The following DSC2 variants were observed in gnomAD, a reference collection of about 807,000 sequenced individuals.
DSC2 encodes desmocollin-2.
Under a neutral mutation model 87.6 loss-of-function variants are expected in DSC2, and 51 were observed. The observed-to-expected ratio is 0.58, with a 90% CI of 0.46 to 0.74. The LOEUF (loss-of-function observed/expected upper bound fraction) is 0.74. Ranked by LOEUF, DSC2 falls within the 30% of genes least tolerant of loss-of-function variation. The pLI is 0.00. For synonymous variants in DSC2, 383 were observed against 393.2 expected, an observed-to-expected ratio of 0.97 and a Z score of 0.31; for missense variants, 1,066 against 1,089.5, an observed-to-expected ratio of 0.98 and a Z score of 0.30.
Position 31,073,568 on chromosome 18 carries a change from A to C in DSC2, c.1888+1115T>G, listed in dbSNP as rs866277220. Reference sequence around the variant, plus strand: ...CATAACCTTTCTTTTCTAATTTGTCATAACAGGAAATTGAGGGATATTCAC... The same window carrying C: ...CATAACCTTTCTTTTCTAATTTGTCCTAACAGGAAATTGAGGGATATTCAC... On this transcript the variant is annotated intron_variant, in intron 12 of 15. Coordinates refer to ENST00000280904, the MANE Select transcript of DSC2 (RefSeq NM_024422.6). 3.1e-4 allele frequency among the ~76,000 whole-genome samples: 47 copies of C among 152,126 alleles called. 1 individual carries two copies. The highest frequency in any genetic ancestry group is 3.2e-3 in the Middle Eastern group (1 of 316).
At chr18:31,086,329 T>C (rs1249430814) in intron 7 of DSC2, among the ~76,000 whole-genome samples, 1 of 152,202 alleles carries the variant, frequency 6.6e-6, no homozygotes, top group Non-Finnish European at 1.5e-5. Context: ...CATTTTGTTT[T>C]AATACTGTAA....
At chr18:31,083,702 G>GT (rs908773366) in intron 7 of DSC2, among the ~76,000 whole-genome samples, 1 of 152,046 alleles carries the variant, frequency 6.6e-6, no homozygotes, top group Non-Finnish European at 1.5e-5. Context: ...GGCTATGTAG[G>GT]TTTTTTTCTT....
At chr18:31,075,115 T>G (rs1000490164) in intron 11 of DSC2, among the ~76,000 whole-genome samples, 1 of 152,230 alleles carries the variant, frequency 6.6e-6, no homozygotes, top group African/African-American at 2.4e-5. Flanking sequence ...GCTATTAAGA[T>G]GTGTTTATTC....
At chr18:31,092,871 T>C (rs1987647100) in intron 2 of DSC2, among the ~76,000 whole-genome samples, 1 of 152,182 alleles carries the variant, frequency 6.6e-6, no homozygotes, top group Non-Finnish European at 1.5e-5. Flanking sequence ...TTCAGTACTA[T>C]TTCTCAATTT....
intron 7 of DSC2, among the ~76,000 whole-genome samples, chr18:31,085,306 A>C (rs1322683939): frequency 1.3e-5 from 2 of 152,038 alleles, no homozygotes; most frequent in Non-Finnish European, 2.9e-5. Context: ...AATACTAAAA[A>C]CATTTGGAAA....
At chr18:31,097,308 C>T (rs1341146149) in intron 1 of DSC2, among the ~76,000 whole-genome samples, 2 of 149,530 alleles carry the variant, frequency 1.3e-5, no homozygotes. Context: ...AAAAAGAAAT[C>T]ATTTTCAAAA....
chr18:31,092,084 T>A lies in DSC2; in HGVS notation c.354+17A>T. 1.3e-6 allele frequency: 2 copies of A among 1,599,582 alleles called. No homozygotes were observed. The highest frequency in any genetic ancestry group is 1.7e-6 in the Non-Finnish European group (2 of 1,169,744). ...GAAGAAAAGATATCATTTCTTCATT[T>A]ATGTAGCCTTGTATACCTTTGTTTG... On this transcript the variant is annotated intron_variant, in intron 3 of 15. Coordinates refer to ENST00000280904, the MANE Select transcript of DSC2 (RefSeq NM_024422.6).
At chr18:31,073,337 C>T (rs1279847604) in intron 12 of DSC2, among the ~76,000 whole-genome samples, 2 of 150,892 alleles carry the variant, frequency 1.3e-5, no homozygotes, top group Non-Finnish European at 2.9e-5. Context: ...TTCCTCCCCA[C>T]CCCAAAATAA....
rs1431388251 is a variant in DSC2, at chr18:31,086,582, G to A, written c.936C>T (p.Asp312=). 1.2e-6 allele frequency: 2 copies of A among 1,614,060 alleles called. No homozygotes were observed. Among genetic ancestry groups the A allele is most frequent in the Admixed American group, 1.7e-5 (1 of 60,016 alleles). ...TTATTAATGTTTATGTTACCTCTCT[G>A]TCTAGCTGAGATGATGTTGTGGTGA... is the stretch of plus-strand genomic sequence containing the variant. ...GVITTTSSQL[D]RELIDKYQLK... Residue 312 remains aspartate, a synonymous_variant, in exon 7 of 16, where the codon GAC becomes GAT. Transcript: ENST00000280904.
chr18:31,092,247 C>G lies in DSC2; in HGVS notation c.208G>C (p.Asp70His), dbSNP rs779847119. The change falls in exon 3 of 16, where the codon GAC (aspartate) becomes CAC (histidine). Residue 70 changes from aspartate (D) to histidine (H), a missense_variant. Asp to His is a moderately conservative substitution (Grantham distance 81). Coordinates refer to ENST00000280904, the MANE Select transcript of DSC2 (RefSeq NM_024422.6). Reference protein sequence around the residue: ...AANLIHSSDPDFQILEDGSVY... With the variant: ...AANLIHSSDPHFQILEDGSVY... ...GAACCATCCTCCAAAATTTGGAAGT[C>G]AGGATCACTTGAATGAATTAGATTT... The G allele has an allele frequency of 6.2e-7, 1 of 1,613,742 alleles. No individual in the cohort carries two copies. Among genetic ancestry groups the G allele is most frequent in the Non-Finnish European group, 8.5e-7 (1 of 1,179,804 alleles).
At chr18:31,093,416 T>C (rs1598592302) in intron 2 of DSC2, 143 bp downstream of exon 2, 1 of 532,524 alleles carries the variant, frequency 1.9e-6, no homozygotes, top group South Asian at 2.0e-5. Context: ...CTGTGTTAGT[T>C]TGCTGAGAAT....
rs1470975572 is a variant in DSC2, at chr18:31,066,567, A to G, written c.*1448T>C. On this transcript the variant is annotated 3_prime_UTR_variant, in exon 16 of 16. Coordinates refer to ENST00000280904, the MANE Select transcript of DSC2 (RefSeq NM_024422.6). ...AATCTTGTGAATTGAAGACAGGCAC[A>G]TTATAGATAATCAAAAATATTAGAA... The G allele has an allele frequency of 6.6e-6, 1 of 152,172 alleles. No individual in the cohort carries two copies. The highest frequency in any genetic ancestry group is 1.5e-5 in the Non-Finnish European group (1 of 67,990). The allele number at this position is 152,172 out of a possible 1,614,324, so 9.4% of individuals were successfully genotyped here.
intron 1 of DSC2, chr18:31,101,253 AAAGGGTCAAGATCCCCTC>A: frequency 1.0e-6 from 1 of 985,256 alleles, no homozygotes; most frequent in Non-Finnish European, 1.2e-6. Flanking sequence ...CCTCAGGAGC[AAAGGGTCAAGATCCCCTC>A]CCCCACCCGC....
chr18:31,079,322 T>C (rs1375471933), intron 11 of DSC2, among the ~76,000 whole-genome samples: 3 of 152,170 alleles, frequency 2.0e-5, no homozygotes, highest in Non-Finnish European at 2.9e-5. Flanking sequence ...GGCGCGATCT[T>C]GGCTAACTGC....
At position 31,089,424 on chromosome 18, in the gene DSC2, C is replaced by T. The variant is rs201596999; in HGVS notation, c.630+15G>A. Reference sequence around the variant, plus strand: ...ATCATCATTGCTAATACAGTACACACATTTTAGACTTTACCTCAAAAGATT... The same window carrying T: ...ATCATCATTGCTAATACAGTACACATATTTTAGACTTTACCTCAAAAGATT... On this transcript the variant is annotated intron_variant, in intron 5 of 15. Coordinates refer to ENST00000280904, the MANE Select transcript of DSC2 (RefSeq NM_024422.6). 10 of 1,613,432 alleles carry T rather than the reference C, an allele frequency of 6.2e-6. No homozygotes were observed. The African/African-American group carries it at 1.1e-4, about 17-fold the overall frequency.
chr18:31,101,087 G>T, intron 1 of DSC2: 2 of 619,586 alleles, frequency 3.2e-6, no homozygotes, highest in Non-Finnish European at 4.0e-6. Context: ...CGGTGGCGCG[G>T]GGGGCGGGTG....
At chr18:31,093,113 C>T (rs1987653931) in intron 2 of DSC2, among the ~76,000 whole-genome samples, 1 of 152,172 alleles carries the variant, frequency 6.6e-6, no homozygotes, top group African/African-American at 2.4e-5. Context: ...TAAAATACCA[C>T]AGCAAATCAG....
rs1367844309 is a variant in DSC2, at chr18:31,096,931, T to C, written c.70-3288A>G. On this transcript the variant is annotated intron_variant, in intron 1 of 15. Coordinates refer to ENST00000280904, the MANE Select transcript of DSC2 (RefSeq NM_024422.6). ...CCAAGCAAATCAACCATTACATTAC[T>C]ATAAAACAAGAAGAGACTTAAGTAA... Among the ~76,000 whole-genome samples the C allele has an allele frequency of 3.9e-5, 6 of 152,050 alleles. No individual in the cohort carries two copies. In the East Asian group the frequency reaches 5.8e-4, roughly 15 times the overall value.
At chr18:31,073,684 C>A (rs1986907888) in intron 12 of DSC2, among the ~76,000 whole-genome samples, 1 of 152,188 alleles carries the variant, frequency 6.6e-6, no homozygotes, top group Non-Finnish European at 1.5e-5. Flanking sequence ...TAGACCATGA[C>A]ATCATGGTCC....
Sources: allele counts gnomAD v4.1 joint callset (sites outside exome capture counted in the v4.1 genomes callset), GRCh38; gene constraint gnomAD v4.1.1; transcripts MANE v1.5; gene names NCBI Gene and HGNC (gene_info 2026-07-23, HGNC 2026-07-21).